The following ZMAT4 variants were observed in gnomAD, a reference collection of about 807,000 sequenced individuals.
The protein encoded by ZMAT4 is zinc finger matrin-type 4.
A neutral mutation model predicts 28.7 loss-of-function variants in ZMAT4; 17 were observed. The observed-to-expected ratio is 0.59, with a 90% CI of 0.41 to 0.89. The LOEUF (loss-of-function observed/expected upper bound fraction) is 0.89, where lower values mean the gene tolerates loss of function less well. Ranked by LOEUF, ZMAT4 falls within the 40% of genes least tolerant of loss-of-function variation. ZMAT4 has a pLI of 0.00. For synonymous variants in ZMAT4, 117 were observed against 109.2 expected, an observed-to-expected ratio of 1.07 and a Z score of -0.44; for missense variants, 240 against 283.8, an observed-to-expected ratio of 0.85 and a Z score of 1.11.
intron 1 of ZMAT4, among the ~76,000 whole-genome samples, chr8:40,881,588 A>AAGAC (rs1818267857): frequency 9.6e-6 from 1 of 103,890 alleles, no homozygotes; most frequent in Non-Finnish European, 2.1e-5. Context: ...GAAAGAAAGA[A>AAGAC]AGAAAGAAAG....
At chr8:40,608,420 C>A (rs1476389966) in intron 5 of ZMAT4, among the ~76,000 whole-genome samples, 2 of 152,184 alleles carry the variant, frequency 1.3e-5, no homozygotes, top group Non-Finnish European at 2.9e-5. Flanking sequence ...CTCATTCCCA[C>A]TGTGGCCTCC....
chr8:40,776,305 T>C (rs901542032), intron 2 of ZMAT4, among the ~76,000 whole-genome samples: 2 of 152,186 alleles, frequency 1.3e-5, no homozygotes, highest in Non-Finnish European at 2.9e-5. Context: ...TAAAAAGTAT[T>C]AGGAAAAAGC....
At chr8:40,863,494 C>G (rs1043728625) in intron 1 of ZMAT4, among the ~76,000 whole-genome samples, 4 of 152,036 alleles carry the variant, frequency 2.6e-5, no homozygotes, top group Admixed American at 6.6e-5. Context: ...AACGGTGGTG[C>G]CTTTCACTGG....
At chr8:40,601,455 AGGG>A (rs1166548779) in intron 5 of ZMAT4, among the ~76,000 whole-genome samples, 9,864 of 98,396 alleles carry the variant, frequency 0.1, 1,485 homozygotes, top group African/African-American at 0.21. Flanking sequence ...GAAGGAAGGA[AGGG>A]AGGAAGAAAG....
intron 3 of ZMAT4, among the ~76,000 whole-genome samples, chr8:40,764,290 G>T (rs1034788680): frequency 3.9e-5 from 6 of 152,134 alleles, no homozygotes; most frequent in Non-Finnish European, 5.9e-5. Context: ...TCCGAGTAAG[G>T]ATTCTAAAGA....
intron 1 of ZMAT4, among the ~76,000 whole-genome samples, chr8:40,891,619 G>A (rs1818690698): frequency 6.6e-6 from 1 of 152,120 alleles, no homozygotes. Context: ...ACCCTGCCCT[G>A]CTGCCTGAGG....
chr8:40,728,997 T>C (rs142014409), intron 3 of ZMAT4, among the ~76,000 whole-genome samples: 61 of 152,350 alleles, frequency 4.0e-4, no homozygotes, highest in African/African-American at 1.4e-3. Flanking sequence ...TTATCCATGT[T>C]TTGCCAGAAT....
At chr8:40,567,200 G>A (rs562964758) in intron 6 of ZMAT4, among the ~76,000 whole-genome samples, 10 of 152,176 alleles carry the variant, frequency 6.6e-5, no homozygotes, top group African/African-American at 9.6e-5. Context: ...TTCTGAAAGC[G>A]AACTTTATAG....
intron 5 of ZMAT4, among the ~76,000 whole-genome samples, chr8:40,640,418 G>A (rs1274895094): frequency 6.6e-6 from 1 of 152,184 alleles, no homozygotes. Context: ...TGATTGCACA[G>A]AGGCACTCTC....
chr8:40,821,440 C>CAAGT (rs59539359), intron 2 of ZMAT4, among the ~76,000 whole-genome samples: 109,578 of 151,588 alleles, frequency 0.72, 39,894 homozygotes, highest in East Asian at 0.84. Context: ...TAACGCTTAG[C>CAAGT]AAGAAAAATA....
In ZMAT4 at chr8:40,801,349, A is replaced by ATATATATATATATATATAT. The variant is rs1334146524; in HGVS notation, c.102+24225_102+24226insATATATATATATATATATA. On this transcript the variant is annotated intron_variant, in intron 2 of 6. Transcript: ENST00000297737. ...TCAGATGATACTTTCTTTAAAAAAA[A>ATATATATATATATATATAT]AAATATATATATATATATATATACA... Among the ~76,000 whole-genome samples, 27 of 48,756 alleles carry ATATATATATATATATATAT rather than the reference A, an allele frequency of 5.5e-4. 1 individual carries two copies. Among genetic ancestry groups the ATATATATATATATATATAT allele is most frequent in the African/African-American group, 1.9e-3 (26 of 13,362 alleles). The allele number at this position is 48,756 out of a possible 152,430, so 32.0% of individuals were successfully genotyped here.
rs1173929999 is a variant in ZMAT4, at chr8:40,581,202, ACTGTT to A, written c.632_636del (p.Glu211ValfsTer9). 6.2e-7 allele frequency: 1 copy of A among 1,613,484 alleles called. No individual in the cohort carries two copies. Among genetic ancestry groups the A allele is most frequent in the Admixed American group, 1.7e-5 (1 of 59,994 alleles). On this transcript the variant is annotated frameshift_variant, in exon 6 of 7. Transcript: ENST00000297737. LOFTEE classifies it high-confidence loss of function. ...TTAGATCCTTTCAGATGGGCATGAT[ACTGTT>A]CTATTGAGTTTAGGGAGACACTGCA...
chr8:40,590,668 T>C (rs1448900691), intron 5 of ZMAT4, among the ~76,000 whole-genome samples: 2 of 151,964 alleles, frequency 1.3e-5, no homozygotes, highest in East Asian at 1.9e-4. Context: ...TCACAGATCT[T>C]GTGCACTATT....
In ZMAT4 at chr8:40,589,732, CTT is replaced by C. The variant is rs141826061; in HGVS notation, c.578-8473_578-8472del. Among the ~76,000 whole-genome samples the C allele has an allele frequency of 1.7e-3, 58 of 34,172 alleles. 1 individual carries two copies. 22.4% of individuals were successfully genotyped at this position (34,172 alleles called of 152,430 possible). A position where few individuals can be genotyped will look rare whatever the true frequency, so the allele number is the denominator to read the frequency against. ...TTCTTCCTTCTTCCTTCTTCCTTTCCTTTCTTTCTTTCTTTCTTTCTTTCTTT... is the reference window on the plus strand; with the variant it reads ...TTCTTCCTTCTTCCTTCTTCCTTTCCTCTTTCTTTCTTTCTTTCTTTCTTT... On this transcript the variant is annotated intron_variant, in intron 5 of 6. Transcript: ENST00000297737.
chr8:40,672,998 T>C (rs1168037669), intron 5 of ZMAT4, among the ~76,000 whole-genome samples: 2 of 152,120 alleles, frequency 1.3e-5, no homozygotes, highest in Non-Finnish European at 2.9e-5. Flanking sequence ...ATGTTTGCTC[T>C]TTTTTTGTTG....
At chr8:40,893,310 G>A (rs1196043194) in intron 1 of ZMAT4, among the ~76,000 whole-genome samples, 3 of 152,208 alleles carry the variant, frequency 2.0e-5, no homozygotes, top group African/African-American at 4.8e-5. Context: ...GCAGTGGGAT[G>A]TAGGGCTCTG....
At chr8:40,650,659 T>C in intron 5 of ZMAT4, among the ~76,000 whole-genome samples, 2 of 125,670 alleles carry the variant, frequency 1.6e-5, no homozygotes. Flanking sequence ...TTGATGAACA[T>C]TGATGCAAAA....
chr8:40,538,736 C>T (rs1456700870), intron 6 of ZMAT4, among the ~76,000 whole-genome samples: 1 of 152,056 alleles, frequency 6.6e-6, no homozygotes, highest in Non-Finnish European at 1.5e-5. Context: ...TCGCCCCTTT[C>T]TAATTAGAAC....
chr8:40,649,332 C>T (rs540788121), intron 5 of ZMAT4, among the ~76,000 whole-genome samples: 1 of 152,140 alleles, frequency 6.6e-6, no homozygotes, highest in South Asian at 2.1e-4. Context: ...CAAAGAAGGC[C>T]ATTACATAAT....
Sources: gnomAD v4.1 joint callset for allele counts (sites outside exome capture counted in the v4.1 genomes callset) on GRCh38, gnomAD v4.1.1 for gene constraint, MANE v1.5 for transcripts, NCBI Gene and HGNC (gene_info 2026-07-23, HGNC 2026-07-21) for gene names.